Variants in DPH6 observed in about 807,000 individuals in gnomAD.
DPH6 encodes the protein diphthamine biosynthesis 6.
Under a neutral mutation model 38.2 loss-of-function variants are expected in DPH6, and 33 were observed. The observed-to-expected ratio is 0.86, with a 90% CI of 0.65 to 1.15. The LOEUF (loss-of-function observed/expected upper bound fraction) is 1.15, where lower values mean the gene tolerates loss of function less well. Ranked by LOEUF, DPH6 falls within the 50% of genes most tolerant of loss-of-function variation. DPH6 has a pLI of 0.00. For synonymous variants in DPH6, 108 were observed against 103.0 expected, an observed-to-expected ratio of 1.05 and a Z score of -0.30; for missense variants, 325 against 320.0, an observed-to-expected ratio of 1.02 and a Z score of -0.12.
chr15:35,376,214 C>T (rs2052778377), intron 7 of DPH6, among the ~76,000 whole-genome samples: 1 of 152,204 alleles, frequency 6.6e-6, no homozygotes, highest in South Asian at 2.1e-4. Flanking sequence ...CCACCCTGAG[C>T]TCTGTATAAA....
chr15:35,170,903 T>G, the DPH6 span, among the ~76,000 whole-genome samples: 2 of 152,222 alleles, frequency 1.3e-5, no homozygotes. Flanking sequence ...GCACTTTCTT[T>G]TCGCCTTTCT....
At chr15:35,219,050 A>T (rs1266051313) in exon 4 of DPH6, 1 of 152,178 alleles carries the variant, frequency 6.6e-6, no homozygotes, top group Admixed American at 6.6e-5. Flanking sequence ...AAGATATTTT[A>T]AAAATGCTCT....
intron 3 of DPH6, among the ~76,000 whole-genome samples, chr15:35,526,099 T>C (rs1046055781): frequency 3.3e-5 from 5 of 152,132 alleles, no homozygotes; most frequent in East Asian, 1.9e-4. Context: ...CCAATAAAAA[T>C]GTTTTAAAGA....
At chr15:35,441,693 G>A (rs1210546177) in intron 5 of DPH6, among the ~76,000 whole-genome samples, 2 of 152,146 alleles carry the variant, frequency 1.3e-5, no homozygotes, top group Admixed American at 6.5e-5. Context: ...ATAGCATTAG[G>A]AGAAATATCT....
chr15:35,304,876 G>A (rs2052077422), intron 3 of DPH6, among the ~76,000 whole-genome samples: 1 of 151,158 alleles, frequency 6.6e-6, no homozygotes, highest in Admixed American at 6.6e-5. Flanking sequence ...AATAACAAAC[G>A]AACGTGATAT....
intron 8 of DPH6, 29 bp from the exon 9 acceptor site, chr15:35,372,232 G>A (rs747736573): frequency 1.7e-6 from 2 of 1,184,852 alleles, no homozygotes; most frequent in South Asian, 1.7e-5. Context: ...GAAAGGGAAG[G>A]AAAATGCACC....
At chr15:35,381,744 T>C (rs1416829336) in intron 7 of DPH6, 78 bp downstream of exon 7, 2 of 1,118,984 alleles carry the variant, frequency 1.8e-6, no homozygotes, top group Non-Finnish European at 2.7e-6. Context: ...CAACAAAAGT[T>C]GCCTCAAGCT....
the DPH6 span, among the ~76,000 whole-genome samples, chr15:35,202,147 T>C: frequency 6.6e-6 from 1 of 151,864 alleles, no homozygotes; most frequent in Non-Finnish European, 1.5e-5. Context: ...TCTTAAAATA[T>C]AGAATTCTGT....
At chr15:35,442,143 A>T (rs964305898) in intron 5 of DPH6, among the ~76,000 whole-genome samples, 1 of 152,162 alleles carries the variant, frequency 6.6e-6, no homozygotes, top group Non-Finnish European at 1.5e-5. Flanking sequence ...ATTTGATAAG[A>T]GACTTATACT....
At chr15:35,159,941 A>C in the DPH6 span, among the ~76,000 whole-genome samples, 1 of 152,056 alleles carries the variant, frequency 6.6e-6, no homozygotes, top group African/African-American at 2.4e-5. Flanking sequence ...AAGCAAACTA[A>C]TGTAGAAACA....
chr15:35,454,541 A>G (rs1555403161), intron 4 of DPH6, among the ~76,000 whole-genome samples: 1 of 152,124 alleles, frequency 6.6e-6, no homozygotes, highest in Non-Finnish European at 1.5e-5. Context: ...CTTACACTAA[A>G]TAAGTTAAGT....
chr15:35,373,684 G>A (rs2052743563), intron 7 of DPH6, 76 bp from the exon 8 acceptor site: 2 of 1,130,888 alleles, frequency 1.8e-6, no homozygotes, highest in South Asian at 3.0e-5. Context: ...CTGACTAGAA[G>A]AGACTAAACA....
At chr15:35,406,401 C>T (rs1220903236) in intron 6 of DPH6, among the ~76,000 whole-genome samples, 1 of 151,880 alleles carries the variant, frequency 6.6e-6, no homozygotes, top group African/African-American at 2.4e-5. Flanking sequence ...GGGAGCAACT[C>T]CAAAGTTCAC....
chr15:35,463,607 T>C (rs1447858567), intron 3 of DPH6, among the ~76,000 whole-genome samples: 1 of 152,180 alleles, frequency 6.6e-6, no homozygotes, highest in Non-Finnish European at 1.5e-5. Flanking sequence ...AAATATGTAT[T>C]TTTTGAAATA....
At chr15:35,247,074 A>T (rs1333670102) in intron 3 of DPH6, among the ~76,000 whole-genome samples, 2 of 152,224 alleles carry the variant, frequency 1.3e-5, no homozygotes, top group African/African-American at 2.4e-5. Flanking sequence ...AAGGAATACC[A>T]CAGCTGATAA....
chr15:35,377,482 C>CT (rs2052797216), intron 7 of DPH6, among the ~76,000 whole-genome samples: 1 of 152,134 alleles, frequency 6.6e-6, no homozygotes, highest in Non-Finnish European at 1.5e-5. Context: ...AAAATGACTA[C>CT]TTTCATTAAC....
At chr15:35,487,220 A>AC (rs908769088) in intron 3 of DPH6, among the ~76,000 whole-genome samples, 4 of 152,182 alleles carry the variant, frequency 2.6e-5, no homozygotes, top group Admixed American at 6.5e-5. Context: ...GGTTTCGAGA[A>AC]CAGTGGCCCT....
intron 3 of DPH6, among the ~76,000 whole-genome samples, chr15:35,312,376 C>T (rs1017801608): frequency 6.6e-6 from 1 of 152,112 alleles, no homozygotes; most frequent in Non-Finnish European, 1.5e-5. Context: ...ATTTTAGAAA[C>T]CTCCAAGGGA....
intron 3 of DPH6, among the ~76,000 whole-genome samples, chr15:35,332,053 C>T (rs1017306879): frequency 3.3e-5 from 5 of 152,114 alleles, no homozygotes; most frequent in Non-Finnish European, 7.4e-5. Flanking sequence ...ATCCTGTGCT[C>T]CAGATGCCAA....
Sources: gnomAD v4.1 joint callset for allele counts (sites outside exome capture counted in the v4.1 genomes callset) on GRCh38, gnomAD v4.1.1 for gene constraint, MANE v1.5 for transcripts, NCBI Gene and HGNC (gene_info 2026-07-23, HGNC 2026-07-21) for gene names.